The following CUL2 variants were observed in gnomAD, a reference collection of about 807,000 sequenced individuals.
CUL2 encodes cullin 2, also known as cullin-2.
A neutral mutation model predicts 110.2 loss-of-function variants in CUL2; 22 were observed. The observed-to-expected ratio is 0.20, with a 90% confidence interval of 0.14 to 0.28. The LOEUF (loss-of-function observed/expected upper bound fraction) is 0.28. CUL2 is among the 10% of genes least tolerant of loss of function. The pLI is 1.00. For synonymous variants in CUL2, 279 were observed against 293.2 expected (o/e 0.95, Z 0.49); for missense variants, 631 against 905.5 (o/e 0.70, Z 3.89).
At chr10:35,059,340 G>C (rs1480285206) in intron 4 of CUL2, among the ~76,000 whole-genome samples, 1 of 152,114 alleles carries the variant, frequency 6.6e-6, no homozygotes, top group African/African-American at 2.4e-5. Context: ...TTAAGACATT[G>C]CCACAGCCTC....
chr10:35,059,187 T>C (rs146373248), intron 4 of CUL2, among the ~76,000 whole-genome samples: 2 of 152,326 alleles, frequency 1.3e-5, no homozygotes, highest in African/African-American at 4.8e-5. Flanking sequence ...GATAAGGTGG[T>C]GGCAGGGTTT....
At position 35,028,600 on chromosome 10, in the gene CUL2, G is replaced by T. The variant is rs954778535; in HGVS notation, c.1617+210C>A. ...AGAATAAGAGACATGCTTTGACAAAGAACTGTATGACATTCTTCTTAGCAT... is the reference window on the plus strand; with the variant it reads ...AGAATAAGAGACATGCTTTGACAAATAACTGTATGACATTCTTCTTAGCAT... On this transcript the variant is annotated intron_variant, in intron 16 of 20. Transcript: ENST00000374749. 2.6e-5 allele frequency among the ~76,000 whole-genome samples: 4 copies of T among 152,160 alleles called. No individual in the cohort carries two copies. In the East Asian group the frequency reaches 7.7e-4, roughly 29 times the overall value.
intron 1 of CUL2, among the ~76,000 whole-genome samples, chr10:35,081,653 C>T (rs565277878): frequency 2.6e-5 from 4 of 152,132 alleles, no homozygotes; most frequent in South Asian, 2.1e-4. Flanking sequence ...CAGCACTTTG[C>T]GAGGCCAAGA....
chr10:35,030,375 C>CT lies in CUL2; in HGVS notation c.1387-736dup, dbSNP rs759409241. 7.8e-3 allele frequency among the ~76,000 whole-genome samples: 1,189 copies of CT among 151,596 alleles called. 8 individuals carry two copies. The highest frequency in any genetic ancestry group is 0.011 in the Non-Finnish European group (771 of 67,828). On this transcript the variant is annotated intron_variant, in intron 14 of 20. Coordinates refer to ENST00000374749, the MANE Select transcript of CUL2 (RefSeq NM_003591.4). ...AAATATAAAAAGCTCATTAACACTACTTTTTTTTTGTAATTAATCTATTTA... is the reference window on the plus strand; with the variant it reads ...AAATATAAAAAGCTCATTAACACTACTTTTTTTTTTGTAATTAATCTATTTA...
chr10:35,027,075 G>C (rs987945947), intron 16 of CUL2, among the ~76,000 whole-genome samples: 1 of 150,736 alleles, frequency 6.6e-6, no homozygotes, highest in Non-Finnish European at 1.5e-5. Context: ...ATCTCAAAGA[G>C]CCTTAAAAAT....
intron 1 of CUL2, among the ~76,000 whole-genome samples, chr10:35,073,867 A>G (rs2086747860): frequency 1.3e-5 from 2 of 152,082 alleles, no homozygotes; most frequent in Admixed American, 6.6e-5. Flanking sequence ...TGGCCTCCCA[A>G]AGTGCTAGGG....
intron 2 of CUL2, among the ~76,000 whole-genome samples, chr10:35,097,627 TC>T (rs899027440): frequency 6.6e-6 from 1 of 151,824 alleles, no homozygotes; most frequent in Non-Finnish European, 1.5e-5. Flanking sequence ...GTGATCATCC[TC>T]CCCAAACCCC....
At chr10:35,059,342 C>T (rs1394360712) in intron 4 of CUL2, among the ~76,000 whole-genome samples, 2 of 152,130 alleles carry the variant, frequency 1.3e-5, no homozygotes, top group Non-Finnish European at 2.9e-5. Flanking sequence ...AAGACATTGC[C>T]ACAGCCTCCC....
chr10:35,023,383 T>C (rs1268193870), intron 17 of CUL2, among the ~76,000 whole-genome samples: 2 of 152,104 alleles, frequency 1.3e-5, no homozygotes, highest in East Asian at 3.8e-4. Context: ...TGGTTTTAAC[T>C]AAAACACAAA....
intron 17 of CUL2, among the ~76,000 whole-genome samples, chr10:35,019,220 T>C (rs776550395): frequency 6.6e-6 from 1 of 152,212 alleles, no homozygotes; most frequent in Non-Finnish European, 1.5e-5. Flanking sequence ...AGGATGTCAC[T>C]GATGCTGTAA....
chr10:35,027,176 G>A (rs1400724274), intron 16 of CUL2, among the ~76,000 whole-genome samples: 4 of 136,092 alleles, frequency 2.9e-5, no homozygotes, highest in Non-Finnish European at 4.6e-5. Context: ...GCGGAGTCTC[G>A]CTCTATCACC....
Position 35,011,391 on chromosome 10 carries a change from G to T in CUL2, c.2106+457C>A, listed in dbSNP as rs973492811. Among the ~76,000 whole-genome samples the T allele has an allele frequency of 2.0e-5, 3 of 151,948 alleles. No homozygotes were observed. In the East Asian group the frequency reaches 5.8e-4, roughly 30 times the overall value. ...CCAGCACTTTTGGAGGCCGAGGCAGGTGGATCACCTGAGGTCAGGAGTTCG... is the reference window on the plus strand; with the variant it reads ...CCAGCACTTTTGGAGGCCGAGGCAGTTGGATCACCTGAGGTCAGGAGTTCG... On this transcript the variant is annotated intron_variant, in intron 20 of 20. Transcript: ENST00000374749.
intron 1 of CUL2, among the ~76,000 whole-genome samples, chr10:35,077,750 G>A (rs968759433): frequency 1.1e-4 from 16 of 151,406 alleles, no homozygotes; most frequent in Middle Eastern, 3.2e-3. Context: ...CCAGGAGGCG[G>A]GGGTTGCGGT....
At chr10:35,012,266 A>G (rs748489809) in intron 19 of CUL2, among the ~76,000 whole-genome samples, 56 of 152,128 alleles carry the variant, frequency 3.7e-4, no homozygotes, top group Non-Finnish European at 6.9e-4. Flanking sequence ...CTGCTAAAAC[A>G]TCTACAATTT....
intron 1 of CUL2, chr10:35,118,522 TTG>T (rs971104815): frequency 6.6e-6 from 1 of 152,200 alleles, no homozygotes; most frequent in African/African-American, 2.4e-5. Flanking sequence ...TGTTTGTGCT[TTG>T]TGTTTCCAAC....
Position 35,071,288 on chromosome 10 carries a change from A to G in CUL2, c.30T>C (p.Phe10=). 1 of 1,613,682 alleles carries G rather than the reference A, an allele frequency of 6.2e-7. No individual in the cohort carries two copies. The change falls in exon 2 of 21, where the codon TTT becomes TTC. Residue 10 remains phenylalanine, a synonymous_variant. Transcript: ENST00000374749. ...TCAAAAGTTTGTTCCATGTTTCATC[A>G]AAATCTACTACTCTTGGTTTCAAAG... MSLKPRVVD[F]DETWNKLLTT... is the part of the protein sequence containing the mutation.
chr10:35,064,885 G>A (rs1363639793), intron 2 of CUL2, among the ~76,000 whole-genome samples: 5 of 152,128 alleles, frequency 3.3e-5, no homozygotes, highest in African/African-American at 4.8e-5. Context: ...GGAAGGATTT[G>A]TGCCAAATCT....
chr10:35,126,645 T>G (rs2087846740), upstream of CUL2: 1 of 152,422 alleles, frequency 6.6e-6, no homozygotes. Context: ...TTACTCTGGC[T>G]GACAAGTCAT....
chr10:35,087,505 T>C (rs2087092903), intron 1 of CUL2, among the ~76,000 whole-genome samples: 1 of 152,140 alleles, frequency 6.6e-6, no homozygotes, highest in South Asian at 2.1e-4. Context: ...CCACACTTAT[T>C]TCCAATCACC....
Sources: gnomAD v4.1 joint callset for allele counts (sites outside exome capture counted in the v4.1 genomes callset) on GRCh38, gnomAD v4.1.1 for gene constraint, MANE v1.5 for transcripts, NCBI Gene and HGNC (gene_info 2026-07-23, HGNC 2026-07-21) for gene names.